Variants in HERPUD2 observed in about 807,000 individuals in gnomAD.
HERPUD2 encodes homocysteine-responsive endoplasmic reticulum-resident ubiquitin-like domain member 2 protein.
A neutral mutation model predicts 49.9 loss-of-function variants in HERPUD2; 13 were observed. That is an observed-to-expected ratio of 0.26 (90% CI 0.17 to 0.41). The LOEUF is 0.41. Ranked by LOEUF, HERPUD2 falls within the 10% of genes least tolerant of loss-of-function variation. The pLI, the probability that HERPUD2 is intolerant of heterozygous loss-of-function variation, is 1.00. For synonymous variants in HERPUD2, 172 were observed against 171.4 expected, an observed-to-expected ratio of 1.00 and a Z score of -0.03; for missense variants, 449 against 492.2, an observed-to-expected ratio of 0.91 and a Z score of 0.83.
chr7:35,654,825 A>G lies in HERPUD2; in HGVS notation c.494+12609T>C, dbSNP rs368791913. 3.6e-4 allele frequency among the ~76,000 whole-genome samples: 54 copies of G among 151,658 alleles called. No individual in the cohort carries two copies. In the East Asian group the frequency reaches 7.6e-3, roughly 21 times the overall value. The stretch of plus-strand genomic sequence containing the variant: ...TGAACAGCTGGGATTACAGGCATAC[A>G]CCACTACATCCAACTAATTTTTGTG... On this transcript the variant is annotated intron_variant, in intron 5 of 8. Coordinates refer to ENST00000311350, the MANE Select transcript of HERPUD2 (RefSeq NM_022373.5).
In HERPUD2 at chr7:35,667,560, G is replaced by A; in HGVS notation, c.368C>T (p.Pro123Leu). ...SSSDHSGSTT[P>L]SSGQETLSLA... Reference sequence around the variant, plus strand: ...AGACAAGGTTTCTTGACCAGATGATGGAGTTGTTGATCCTGAATGATCTGA... The same window carrying A: ...AGACAAGGTTTCTTGACCAGATGATAGAGTTGTTGATCCTGAATGATCTGA... The change falls in exon 5 of 9, where the codon CCA becomes CTA. Residue 123 changes from proline to leucine, a missense_variant. Transcript: ENST00000311350. 6.2e-7 allele frequency: 1 copy of A among 1,613,464 alleles called. No homozygotes were observed. The highest frequency in any genetic ancestry group is 8.5e-7 in the Non-Finnish European group (1 of 1,179,460).
Position 35,670,189 on chromosome 7 carries a change from T to C in HERPUD2, c.339+26A>G, listed in dbSNP as rs758409388. On this transcript the variant is annotated intron_variant, in intron 4 of 8. Transcript: ENST00000311350. Reference sequence around the variant, plus strand: ...CGACGAAAAAAAAAGAAAAGTTCAATGTTTACTCCTCCCAAAACAACTCAC... The same window carrying C: ...CGACGAAAAAAAAAGAAAAGTTCAACGTTTACTCCTCCCAAAACAACTCAC... 4.1e-5 allele frequency: 48 copies of C among 1,163,898 alleles called. 1 individual carries two copies. Among genetic ancestry groups the C allele is most frequent in the Non-Finnish European group, 5.7e-5 (47 of 819,606 alleles). The allele number at this position is 1,163,898 out of a possible 1,614,324, so 72.1% of individuals were successfully genotyped here.
At position 35,674,128 on chromosome 7, in the gene HERPUD2, T is replaced by C. The variant is rs1462946426; in HGVS notation, c.148-850A>G. 9.2e-5 allele frequency among the ~76,000 whole-genome samples: 14 copies of C among 152,030 alleles called. No homozygotes were observed. The East Asian group carries it at 2.1e-3, about 23-fold the overall frequency. ...AATTTTTAAGACTATGTATTCAACATGGCTACTACAAAAGGGTCTTCTTAT... is the reference window on the plus strand; with the variant it reads ...AATTTTTAAGACTATGTATTCAACACGGCTACTACAAAAGGGTCTTCTTAT... On this transcript the variant is annotated intron_variant, in intron 2 of 8. Transcript: ENST00000311350.
At chr7:35,661,725 G>C (rs1785426263) in intron 5 of HERPUD2, among the ~76,000 whole-genome samples, 1 of 152,186 alleles carries the variant, frequency 6.6e-6, no homozygotes. Flanking sequence ...CATTGATTTT[G>C]TATCCTGAGA....
intron 4 of HERPUD2, among the ~76,000 whole-genome samples, chr7:35,669,588 T>G (rs1054563642): frequency 6.6e-6 from 1 of 152,172 alleles, no homozygotes; most frequent in Non-Finnish European, 1.5e-5. Flanking sequence ...TTTTTGAAAT[T>G]TGTAGAAAAT....
At chr7:35,689,895 T>A (rs950648892) in intron 2 of HERPUD2, among the ~76,000 whole-genome samples, 2 of 152,096 alleles carry the variant, frequency 1.3e-5, no homozygotes, top group African/African-American at 4.8e-5. Flanking sequence ...GTGAGTCAGG[T>A]CCATCTTAGT....
intron 5 of HERPUD2, among the ~76,000 whole-genome samples, chr7:35,647,963 A>C (rs1254108766): frequency 2.7e-5 from 4 of 150,198 alleles, no homozygotes; most frequent in Admixed American, 2.7e-4. Context: ...ATTTTTAAAG[A>C]TAACCACCAC....
At chr7:35,661,920 G>C (rs1052857877) in intron 5 of HERPUD2, among the ~76,000 whole-genome samples, 1 of 152,184 alleles carries the variant, frequency 6.6e-6, no homozygotes, top group Non-Finnish European at 1.5e-5. Context: ...CGTTGAAAAG[G>C]AGTGGTGAGA....
intron 5 of HERPUD2, among the ~76,000 whole-genome samples, chr7:35,652,080 G>A (rs550604796): frequency 6.6e-6 from 1 of 152,172 alleles, no homozygotes; most frequent in Admixed American, 6.5e-5. Context: ...ATGATTCCAG[G>A]CCTCTTTCAA....
chr7:35,670,947 A>G (rs1785630547), intron 3 of HERPUD2, among the ~76,000 whole-genome samples: 2 of 152,112 alleles, frequency 1.3e-5, no homozygotes, highest in East Asian at 1.9e-4. Flanking sequence ...GCTTAGTGAG[A>G]TCATAAGCAT....
At chr7:35,663,753 T>C (rs1785479832) in intron 5 of HERPUD2, among the ~76,000 whole-genome samples, 1 of 152,190 alleles carries the variant, frequency 6.6e-6, no homozygotes, top group East Asian at 1.9e-4. Context: ...ATTTGCTTGG[T>C]AGATCTTCCT....
chr7:35,676,100 T>C (rs1007221039), intron 2 of HERPUD2, among the ~76,000 whole-genome samples: 1 of 152,222 alleles, frequency 6.6e-6, no homozygotes, highest in Non-Finnish European at 1.5e-5. Flanking sequence ...AAAATGCTTT[T>C]TAAAGATGAT....
intron 2 of HERPUD2, among the ~76,000 whole-genome samples, chr7:35,689,029 A>C (rs1386978506): frequency 3.3e-5 from 5 of 152,232 alleles, no homozygotes; most frequent in Admixed American, 6.5e-5. Context: ...GTAAATGGCA[A>C]AGTCAGAGCA....
At chr7:35,689,966 G>A (rs17699327) in intron 2 of HERPUD2, among the ~76,000 whole-genome samples, 12,605 of 152,102 alleles carry the variant, frequency 0.083, 753 homozygotes, top group South Asian at 0.21. Flanking sequence ...AAGTGGACTT[G>A]GATATTCATA....
At chr7:35,662,713 G>A (rs1785450685) in intron 5 of HERPUD2, among the ~76,000 whole-genome samples, 1 of 152,150 alleles carries the variant, frequency 6.6e-6, no homozygotes, top group Non-Finnish European at 1.5e-5. Context: ...GATCAGTGGT[G>A]ATATCCCCTT....
chr7:35,650,124 TACTC>T (rs901158480), intron 5 of HERPUD2, among the ~76,000 whole-genome samples: 1 of 152,098 alleles, frequency 6.6e-6, no homozygotes, highest in Non-Finnish European at 1.5e-5. Flanking sequence ...AGGCATCTGA[TACTC>T]ACCTCCTCCA....
chr7:35,636,187 A>G (rs536295040), intron 6 of HERPUD2, among the ~76,000 whole-genome samples: 1 of 152,380 alleles, frequency 6.6e-6, no homozygotes, highest in South Asian at 2.1e-4. Flanking sequence ...TAAGACTGAC[A>G]TGAATTGATA....
chr7:35,685,948 G>A (rs374975530), intron 2 of HERPUD2, among the ~76,000 whole-genome samples: 59 of 146,930 alleles, frequency 4.0e-4, no homozygotes, highest in African/African-American at 1.3e-3. Context: ...ACAACAGAGC[G>A]AGACCCTGTC....
At chr7:35,689,186 A>T (rs1424737587) in intron 2 of HERPUD2, among the ~76,000 whole-genome samples, 2 of 152,202 alleles carry the variant, frequency 1.3e-5, no homozygotes, top group Non-Finnish European at 2.9e-5. Flanking sequence ...TATATTTTCC[A>T]AAAAGACATA....
Sources: gnomAD v4.1 joint callset for allele counts (sites outside exome capture counted in the v4.1 genomes callset) on GRCh38, gnomAD v4.1.1 for gene constraint, MANE v1.5 for transcripts, NCBI Gene and HGNC (gene_info 2026-07-23, HGNC 2026-07-21) for gene names.